Variants in GPC6 observed in about 807,000 individuals in gnomAD.
The protein encoded by GPC6 is glypican-6.
In GPC6, 14 loss-of-function variants were observed where a neutral mutation model predicts 55.2. The observed-to-expected ratio is 0.25, with a 90% CI of 0.17 to 0.40. The LOEUF is 0.40. Ranked by LOEUF, GPC6 falls within the 10% of genes least tolerant of loss-of-function variation. The probability of loss-of-function intolerance (pLI) is 1.00; values close to 1 mark genes in which losing one functional copy is unlikely to be tolerated. For missense variants in GPC6, 641 were observed against 708.5 expected, an observed-to-expected ratio of 0.90 and a Z score of 1.08; for synonymous variants, 278 against 259.6, an observed-to-expected ratio of 1.07 and a Z score of -0.68.
At chr13:93,629,034 C>CAG (rs1879320488) in intron 2 of GPC6, among the ~76,000 whole-genome samples, 1 of 99,976 alleles carries the variant, frequency 1.0e-5, no homozygotes, top group South Asian at 3.3e-4. Flanking sequence ...TACTTCTAGC[C>CAG]AGAAAAAAAA....
At chr13:93,923,170 T>G (rs1877663900) in intron 3 of GPC6, among the ~76,000 whole-genome samples, 1 of 152,192 alleles carries the variant, frequency 6.6e-6, no homozygotes, top group Admixed American at 6.5e-5. Flanking sequence ...GTGTTTTCAT[T>G]TTGCCTTTAT....
chr13:93,615,181 T>C (rs920579626), intron 2 of GPC6, among the ~76,000 whole-genome samples: 2 of 152,212 alleles, frequency 1.3e-5, no homozygotes, highest in Non-Finnish European at 2.9e-5. Flanking sequence ...TTGGTTGGTA[T>C]ACTTCCTAGA....
At chr13:94,047,856 T>C (rs370647663) in intron 4 of GPC6, among the ~76,000 whole-genome samples, 2 of 152,140 alleles carry the variant, frequency 1.3e-5, no homozygotes, top group East Asian at 3.9e-4. Context: ...TGAATTTAAG[T>C]GTTTGGCCAA....
chr13:93,315,553 A>G (rs1317374450), intron 1 of GPC6, among the ~76,000 whole-genome samples: 1 of 151,868 alleles, frequency 6.6e-6, no homozygotes, highest in Non-Finnish European at 1.5e-5. Context: ...TATTTTTTTG[A>G]CTTTACAAGT....
At chr13:93,612,625 G>GGTTACAAATATTC (rs1450864197) in intron 2 of GPC6, among the ~76,000 whole-genome samples, 8 of 151,218 alleles carry the variant, frequency 5.3e-5, no homozygotes, top group African/African-American at 1.9e-4. Flanking sequence ...TAAAATAGAG[G>GGTTACAAATATTC]GTTACAAATA....
intron 2 of GPC6, among the ~76,000 whole-genome samples, chr13:93,745,157 A>G (rs936541103): frequency 6.6e-6 from 1 of 152,086 alleles, no homozygotes; most frequent in Non-Finnish European, 1.5e-5. Context: ...AACTCTCTAC[A>G]GAAGAGAGTT....
upstream of GPC6, among the ~76,000 whole-genome samples, chr13:93,223,557 CTTT>C (rs1428236557): frequency 3.6e-4 from 55 of 152,158 alleles, no homozygotes; most frequent in African/African-American, 1.3e-3. Context: ...GATTCTCCTG[CTTT>C]AGCCTCCCAA....
chr13:93,592,921 T>G (rs1436072121), intron 2 of GPC6, among the ~76,000 whole-genome samples: 1 of 26,856 alleles, frequency 3.7e-5, no homozygotes, highest in Non-Finnish European at 6.9e-5. Context: ...AAAACAGACT[T>G]TTGGAAACCC....
chr13:94,245,753 A>G (rs1172598200), intron 4 of GPC6, among the ~76,000 whole-genome samples: 1 of 151,736 alleles, frequency 6.6e-6, no homozygotes, highest in African/African-American at 2.4e-5. Flanking sequence ...TGTGTGTGAC[A>G]GTTTCTTTAT....
chr13:94,126,731 GT>G (rs71679754), intron 4 of GPC6, among the ~76,000 whole-genome samples: 33,849 of 151,978 alleles, frequency 0.22, 3,969 homozygotes, highest in Non-Finnish European at 0.27. Context: ...CTTCCTTAAT[GT>G]TTTTGGACCT....
chr13:93,648,130 G>C (rs1880255938), intron 2 of GPC6, among the ~76,000 whole-genome samples: 1 of 152,088 alleles, frequency 6.6e-6, no homozygotes, highest in East Asian at 1.9e-4. Flanking sequence ...CCTGGGTACT[G>C]ATGTCATCCC....
rs150229093 is a variant in GPC6, at chr13:94,090,584, C to T, written c.877+62690C>T. Among the ~76,000 whole-genome samples the T allele has an allele frequency of 3.9e-3, 591 of 152,226 alleles. 8 individuals carry two copies. Among genetic ancestry groups the T allele is most frequent in the African/African-American group, 0.014 (569 of 41,546 alleles). On this transcript the variant is annotated intron_variant, in intron 4 of 8. Coordinates refer to ENST00000377047, the MANE Select transcript of GPC6 (RefSeq NM_005708.5). ...CTTCTTACCACCTATAGTTTCAGGTCTCCTGATTTGCAAACTGTTCTTTTG... is the reference window on the plus strand; with the variant it reads ...CTTCTTACCACCTATAGTTTCAGGTTTCCTGATTTGCAAACTGTTCTTTTG...
At chr13:93,757,350 C>T (rs995249468) in intron 2 of GPC6, among the ~76,000 whole-genome samples, 4 of 152,086 alleles carry the variant, frequency 2.6e-5, no homozygotes, top group Non-Finnish European at 5.9e-5. Flanking sequence ...AGGGGGCATC[C>T]GGGCCTTTGA....
At chr13:93,665,319 TAAATGTAA>T (rs1486788903) in intron 2 of GPC6, among the ~76,000 whole-genome samples, 1 of 152,228 alleles carries the variant, frequency 6.6e-6, no homozygotes, top group African/African-American at 2.4e-5. Context: ...GATATATTGA[TAAATGTAA>T]AAATCAATTT....
chr13:93,644,820 A>G (rs2139591177), intron 2 of GPC6, among the ~76,000 whole-genome samples: 1 of 152,138 alleles, frequency 6.6e-6, no homozygotes, highest in Non-Finnish European at 1.5e-5. Context: ...ATGGTGGCCC[A>G]TAAACTGACA....
chr13:93,910,455 G>A lies in GPC6; in HGVS notation c.711+79910G>A, dbSNP rs554451878. Among the ~76,000 whole-genome samples, 5 of 152,164 alleles carry A rather than the reference G, an allele frequency of 3.3e-5. No individual in the cohort carries two copies. In the South Asian group the frequency reaches 1.0e-3, roughly 32 times the overall value. Reference sequence around the variant, plus strand: ...AGCAGCATGAGAACTAATACAATGTGTGTGTGGCGGGGGGTGGGTGTGTGT... The same window carrying A: ...AGCAGCATGAGAACTAATACAATGTATGTGTGGCGGGGGGTGGGTGTGTGT... On this transcript the variant is annotated intron_variant, in intron 3 of 8. Transcript: ENST00000377047.
chr13:93,281,410 C>T (rs1254054840), intron 1 of GPC6, among the ~76,000 whole-genome samples: 3 of 152,098 alleles, frequency 2.0e-5, no homozygotes, highest in African/African-American at 7.2e-5. Flanking sequence ...AATAAATGCT[C>T]CTGTACAATC....
chr13:94,101,797 C>A (rs1161284215), intron 4 of GPC6, among the ~76,000 whole-genome samples: 2 of 151,026 alleles, frequency 1.3e-5, no homozygotes, highest in East Asian at 3.9e-4. Flanking sequence ...AAAAAAAAAA[C>A]CAAGCAAATA....
chr13:94,164,568 G>A (rs762235693), intron 4 of GPC6, among the ~76,000 whole-genome samples: 58 of 152,186 alleles, frequency 3.8e-4, no homozygotes, highest in Non-Finnish European at 7.3e-4. Context: ...GTCACATCCA[G>A]TTAAATTTTC....
Sources: allele counts gnomAD v4.1 joint callset (sites outside exome capture counted in the v4.1 genomes callset), GRCh38; gene constraint gnomAD v4.1.1; transcripts MANE v1.5; gene names NCBI Gene and HGNC (gene_info 2026-07-23, HGNC 2026-07-21).